The following RCC1 variants were observed in gnomAD, a reference collection of about 807,000 sequenced individuals.
The protein encoded by RCC1 is regulator of chromosome condensation.
Under a neutral mutation model 44.4 loss-of-function variants are expected in RCC1, and 11 were observed. That is an observed-to-expected ratio of 0.25 (90% confidence interval 0.16 to 0.41). The LOEUF is 0.41. RCC1 is among the 10% of genes least tolerant of loss of function. The probability of loss-of-function intolerance (pLI) is 1.00; values close to 1 mark genes in which losing one functional copy is unlikely to be tolerated. For synonymous variants in RCC1, 213 were observed against 216.5 expected (o/e 0.98, Z 0.14); for missense variants, 386 against 547.1 (o/e 0.71, Z 2.94).
At chr1:28,533,571 G>C (rs1557879478) in intron 7 of RCC1, among the ~76,000 whole-genome samples, 3 of 150,620 alleles carry the variant, frequency 2.0e-5, no homozygotes, top group Non-Finnish European at 4.4e-5. Context: ...GGGAGTTCGA[G>C]ACCGGCCTGA....
chr1:28,508,157 T>C lies in RCC1; in HGVS notation c.-232T>C, dbSNP rs189389144. On this transcript the variant is annotated 5_prime_UTR_variant, in exon 2 of 13. Coordinates refer to ENST00000683442, the MANE Select transcript of RCC1 (RefSeq NM_001381865.2). ...TGTTAAGGATTCCAAGTAACTCTTATTTGGTGAGTAAATCTGCTAATTGTT... is the reference window on the plus strand; with the variant it reads ...TGTTAAGGATTCCAAGTAACTCTTACTTGGTGAGTAAATCTGCTAATTGTT... 3.6e-4 allele frequency: 159 copies of C among 445,510 alleles called. 1 individual carries two copies. Among genetic ancestry groups the C allele is most frequent in the African/African-American group, 2.5e-3 (127 of 50,038 alleles). The allele number at this position is 445,510 out of a possible 1,614,324, so 27.6% of individuals were successfully genotyped here.
chr1:28,527,139 A>C (rs1663717473), intron 4 of RCC1: 1 of 1,280,628 alleles, frequency 7.8e-7, no homozygotes, highest in South Asian at 1.2e-5. Context: ...AGCAGGCCTG[A>C]GGGCTGCAGT....
Position 28,508,916 on chromosome 1 carries a change from T to TG in RCC1, c.-153+11_-153+12insG, listed in dbSNP as rs759875280. The TG allele has an allele frequency of 2.1e-6, 1 of 474,328 alleles. No individual in the cohort carries two copies. The highest frequency in any genetic ancestry group is 1.5e-5 in the South Asian group (1 of 68,856). 29.4% of individuals were successfully genotyped at this position (474,328 alleles called of 1,614,324 possible). A position where few individuals can be genotyped will look rare whatever the true frequency, so the allele number is the denominator to read the frequency against. ...TAGAAGGGAGAGTAGGTAAACTGAT[T>TG]TTTTTTTTTAACAGGGAGGGTTTGA... On this transcript the variant is annotated intron_variant, in intron 3 of 12. Coordinates refer to ENST00000683442, the MANE Select transcript of RCC1 (RefSeq NM_001381865.2).
At chr1:28,507,017 T>G (rs368389530) in intron 1 of RCC1, 2 of 163,912 alleles carry the variant, frequency 1.2e-5, no homozygotes, top group East Asian at 1.8e-4. Flanking sequence ...ATTTTTGTGA[T>G]TTGGGTCATT....
At chr1:28,522,064 C>G (rs1007101517) in intron 4 of RCC1, among the ~76,000 whole-genome samples, 1 of 152,206 alleles carries the variant, frequency 6.6e-6, no homozygotes, top group Non-Finnish European at 1.5e-5. Context: ...AGTGAGTTAG[C>G]CGGTGCCCCC....
At chr1:28,533,765 T>C (rs1192748603) in intron 7 of RCC1, among the ~76,000 whole-genome samples, 1 of 73,518 alleles carries the variant, frequency 1.4e-5, no homozygotes, top group Non-Finnish European at 2.4e-5. Flanking sequence ...AGCGAAACTC[T>C]GTCTCAAAAA....
intron 7 of RCC1, 39 bp downstream of exon 7, chr1:28,532,389 A>G: frequency 6.2e-7 from 1 of 1,606,360 alleles, no homozygotes; most frequent in Non-Finnish European, 8.5e-7. Context: ...TCCCTGAAAG[A>G]CAGAATTAAT....
At chr1:28,509,292 AT>A (rs771958408) in intron 3 of RCC1, 4 of 184,934 alleles carry the variant, frequency 2.2e-5, no homozygotes, top group Non-Finnish European at 4.6e-5. Flanking sequence ...GTCCTTGAGT[AT>A]TTTGCTTTTC....
intron 4 of RCC1, chr1:28,518,132 T>TC (rs1402283668): frequency 6.6e-6 from 1 of 151,380 alleles, no homozygotes; most frequent in African/African-American, 2.4e-5. Flanking sequence ...GGCCAAGGGC[T>TC]CCCCCAGCCC....
chr1:28,508,588 C>T (rs1221922357), intron 2 of RCC1: 1 of 518,564 alleles, frequency 1.9e-6, no homozygotes, highest in Non-Finnish European at 3.8e-6. Context: ...AGGTCACTCT[C>T]CCCAGGCTCT....
intron 4 of RCC1, among the ~76,000 whole-genome samples, chr1:28,529,182 CTTTTT>C (rs568053824): frequency 2.5e-5 from 2 of 80,506 alleles, no homozygotes; most frequent in African/African-American, 5.5e-5. Context: ...CGCGCCCAGG[CTTTTT>C]TTTTTTTTTT....
At chr1:28,506,326 A>G (rs1661924551) in intron 1 of RCC1, 1 of 411,898 alleles carries the variant, frequency 2.4e-6, no homozygotes, top group Non-Finnish European at 4.8e-6. Context: ...CTGGGATTAC[A>G]GGCACGTGCC....
intron 4 of RCC1, among the ~76,000 whole-genome samples, chr1:28,525,872 G>T (rs1222817922): frequency 6.6e-6 from 1 of 152,178 alleles, no homozygotes; most frequent in Non-Finnish European, 1.5e-5. Flanking sequence ...AGGAAGGAAT[G>T]AGGGGGCTGC....
At chr1:28,520,777 T>G (rs960430038) in intron 4 of RCC1, among the ~76,000 whole-genome samples, 4 of 152,138 alleles carry the variant, frequency 2.6e-5, no homozygotes, top group African/African-American at 9.6e-5. Flanking sequence ...CACTGCCTGG[T>G]TAAGAAAACA....
At chr1:28,527,080 G>T in intron 4 of RCC1, 6 of 939,176 alleles carry the variant, frequency 6.4e-6, no homozygotes, top group Middle Eastern at 3.2e-4. Context: ...AATTTTGCTT[G>T]ACCGGAACCA....
At chr1:28,530,745 C>CA (rs1204417035) in intron 5 of RCC1, 60 of 671,236 alleles carry the variant, frequency 8.9e-5, no homozygotes, top group Non-Finnish European at 9.9e-5. Context: ...CTTTGGCCCA[C>CA]AGAGAGCCCC....
At chr1:28,511,403 GTTTT>G (rs201429762) in intron 3 of RCC1, among the ~76,000 whole-genome samples, 4 of 141,432 alleles carry the variant, frequency 2.8e-5, no homozygotes, top group East Asian at 2.1e-4. Flanking sequence ...TTTGTTTTTT[GTTTT>G]TTTTTTTTTT....
intron 5 of RCC1, among the ~76,000 whole-genome samples, chr1:28,531,046 C>T (rs374647221): frequency 1.7e-4 from 26 of 152,140 alleles, no homozygotes; most frequent in African/African-American, 5.1e-4. Flanking sequence ...CTGGCTAACA[C>T]GGTGAAACCC....
intron 3 of RCC1, among the ~76,000 whole-genome samples, chr1:28,511,667 C>CTT (rs1372445552): frequency 2.8e-5 from 4 of 145,160 alleles, no homozygotes; most frequent in African/African-American, 7.5e-5. Context: ...CCATGCCCAG[C>CTT]TTTTTTTTTT....
Sources: allele counts gnomAD v4.1 joint callset (sites outside exome capture counted in the v4.1 genomes callset), GRCh38; gene constraint gnomAD v4.1.1; transcripts MANE v1.5; gene names NCBI Gene and HGNC (gene_info 2026-07-23, HGNC 2026-07-21).